The following UNC80 variants were observed in gnomAD, a reference collection of about 807,000 sequenced individuals.
UNC80 encodes unc-80 subunit of NALCN channel complex.
A neutral mutation model predicts 384.6 loss-of-function variants in UNC80; 164 were observed. That is an observed-to-expected ratio of 0.43 (90% CI 0.38 to 0.49). The LOEUF is 0.49. Among genes scored for constraint, UNC80 ranks in the 20% least tolerant of loss-of-function variants. The pLI is 0.00. For missense variants in UNC80, 3,330 were observed against 4,143.0 expected, an observed-to-expected ratio of 0.80 and a Z score of 5.39; for synonymous variants, 1,486 against 1,527.8, an observed-to-expected ratio of 0.97 and a Z score of 0.64.
rs142192668 is a variant in UNC80, at chr2:209,944,813, G to A, written c.7051-238G>A. ...GAAGTTCATATATCGCTGTATTTTT[G>A]TGAGCTTTTACAAATATCTCTTTTG... is the stretch of plus-strand genomic sequence containing the variant. On this transcript the variant is annotated intron_variant, in intron 45 of 64. Transcript: ENST00000673920. Among the ~76,000 whole-genome samples, 454 of 152,078 alleles carry A rather than the reference G, an allele frequency of 3.0e-3. 3 individuals carry two copies. The highest frequency in any genetic ancestry group is 0.01 in the African/African-American group (432 of 41,464).
At chr2:209,918,298 G>T (rs2089727109) in intron 32 of UNC80, among the ~76,000 whole-genome samples, 1 of 152,134 alleles carries the variant, frequency 6.6e-6, no homozygotes, top group African/African-American at 2.4e-5. Flanking sequence ...CTCAAATAGA[G>T]ATCATTTGAT....
intron 24 of UNC80, among the ~76,000 whole-genome samples, chr2:209,880,533 G>A (rs1443817447): frequency 2.0e-5 from 3 of 152,178 alleles, no homozygotes; most frequent in African/African-American, 7.2e-5. Flanking sequence ...CTAGTTCACT[G>A]CCATATACAT....
intron 29 of UNC80, among the ~76,000 whole-genome samples, chr2:209,907,886 C>T (rs1322492745): frequency 4.2e-4 from 64 of 152,200 alleles, no homozygotes; most frequent in Admixed American, 4.2e-3. Context: ...AACCAGGCCC[C>T]TGGCCTGAAG....
intron 39 of UNC80, among the ~76,000 whole-genome samples, chr2:209,935,156 A>G (rs143982547): frequency 2.6e-4 from 39 of 152,280 alleles, no homozygotes; most frequent in African/African-American, 8.9e-4. Context: ...GGGATGTACT[A>G]CTTGTTGAAA....
At chr2:209,822,641 T>G (rs368624807) in intron 13 of UNC80, among the ~76,000 whole-genome samples, 3 of 152,238 alleles carry the variant, frequency 2.0e-5, no homozygotes, top group South Asian at 2.1e-4. Context: ...AGGTTTTGTA[T>G]GTATGCTAAA....
chr2:209,886,055 G>A (rs908287730), intron 25 of UNC80, among the ~76,000 whole-genome samples: 17 of 151,902 alleles, frequency 1.1e-4, no homozygotes, highest in African/African-American at 4.1e-4. Flanking sequence ...GAGCCACTGT[G>A]CCCAGCCTAA....
chr2:209,829,263 T>C lies in UNC80; in HGVS notation c.2510T>C (p.Leu837Pro). The change falls in exon 15 of 65, where the codon CTA becomes CCA. Residue 837 changes from leucine (L) to proline (P), a missense_variant. Physicochemically the swap from Leu to Pro is moderately conservative, Grantham distance 98. Coordinates refer to ENST00000673920, the MANE Select transcript of UNC80 (RefSeq NM_001371986.1). The part of the protein sequence containing the change: ...AQNCLTKLYK[L>P]DKMQFRQTMR... ...AACTGCCTCACTAAGCTATACAAGCTAGATAAGATGCAGTTCCGACAAACC... is the reference window on the plus strand; with the variant it reads ...AACTGCCTCACTAAGCTATACAAGCCAGATAAGATGCAGTTCCGACAAACC... 2 of 1,551,432 alleles carry C rather than the reference T, an allele frequency of 1.3e-6. No homozygotes were observed. The highest frequency in any genetic ancestry group is 1.7e-6 in the Non-Finnish European group (2 of 1,146,790).
intron 7 of UNC80, among the ~76,000 whole-genome samples, chr2:209,798,803 G>A (rs1245780008): frequency 1.3e-5 from 2 of 149,048 alleles, no homozygotes; most frequent in African/African-American, 4.9e-5. Flanking sequence ...TCAGCCTGCC[G>A]AGTAGCTGGG....
intron 7 of UNC80, 139 bp downstream of exon 7, chr2:209,793,998 A>G: frequency 2.0e-6 from 2 of 1,017,454 alleles, no homozygotes; most frequent in Non-Finnish European, 2.8e-6. Flanking sequence ...TGGTCAAAGT[A>G]TAATTAATAA....
chr2:209,962,867 A>G (rs1308524458), intron 51 of UNC80, among the ~76,000 whole-genome samples: 5 of 152,248 alleles, frequency 3.3e-5, no homozygotes, highest in Non-Finnish European at 7.3e-5. Context: ...AGCTTAATAT[A>G]TAAATTTGCG....
intron 50 of UNC80, 24 bp from the exon 51 acceptor site, chr2:209,959,465 A>G: frequency 1.3e-6 from 2 of 1,544,604 alleles, no homozygotes; most frequent in South Asian, 2.4e-5. Flanking sequence ...TCAGACCCCT[A>G]GTTAATCTTT....
chr2:209,875,624 C>T (rs969043975), intron 23 of UNC80, among the ~76,000 whole-genome samples: 11 of 152,284 alleles, frequency 7.2e-5, no homozygotes, highest in Non-Finnish European at 2.9e-5. Flanking sequence ...TGATCCAAAT[C>T]TACCTTTTCA....
intron 60 of UNC80, among the ~76,000 whole-genome samples, chr2:209,983,872 C>T (rs534599793): frequency 3.9e-5 from 6 of 152,020 alleles, no homozygotes; most frequent in Non-Finnish European, 7.4e-5. Flanking sequence ...GGGCTTCATT[C>T]ATATTTTGGA....
chr2:209,788,918 C>A (rs550174573), intron 5 of UNC80, among the ~76,000 whole-genome samples: 2 of 152,114 alleles, frequency 1.3e-5, no homozygotes, highest in Non-Finnish European at 2.9e-5. Flanking sequence ...ATGGTAAGTG[C>A]TCTATATAGG....
At chr2:209,942,677 T>C (rs573939906) in intron 44 of UNC80, among the ~76,000 whole-genome samples, 9 of 152,102 alleles carry the variant, frequency 5.9e-5, no homozygotes, top group South Asian at 2.1e-4. Flanking sequence ...CATTTTTAGA[T>C]AGTTGCAATT....
intron 10 of UNC80, among the ~76,000 whole-genome samples, chr2:209,817,328 T>A (rs1006899344): frequency 2.6e-5 from 4 of 152,162 alleles, no homozygotes; most frequent in African/African-American, 7.2e-5. Context: ...ATGCAAGAGT[T>A]CTGTGAAATT....
chr2:209,773,183 G>A (rs769160639), intron 2 of UNC80, 41 bp downstream of exon 2: 10 of 1,563,132 alleles, frequency 6.4e-6, no homozygotes, highest in Non-Finnish European at 8.8e-6. Context: ...TCCCTATTCT[G>A]TGTGGTGGTT....
At position 209,834,958 on chromosome 2, in the gene UNC80, C is replaced by A; in HGVS notation, c.2989C>A (p.Pro997Thr). Residue 997 changes from proline to threonine, a missense_variant, in exon 18 of 65, where the codon CCT (proline) becomes ACT (threonine). Pro to Thr is a conservative substitution (Grantham distance 38). This residue lies in a region of UNC80 where 801 missense variants were observed against 950.8 expected (regional missense o/e 0.84). Transcript: ENST00000673920. ...GGATAAAGGCCAGGTATCCTCTGCA[C>A]CTGAGGAATGTCGCAGCTTCATGTC... is the stretch of plus-strand genomic sequence containing the variant. ...IVDKGQVSSAPEECRSFMSGR... is the reference protein window; with the variant it reads ...IVDKGQVSSATEECRSFMSGR... 1 of 1,551,204 alleles carries A rather than the reference C, an allele frequency of 6.4e-7. No individual in the cohort carries two copies. The highest frequency in any genetic ancestry group is 8.7e-7 in the Non-Finnish European group (1 of 1,146,598).
chr2:209,838,148 C>T (rs936412984), intron 18 of UNC80, among the ~76,000 whole-genome samples: 6 of 151,968 alleles, frequency 3.9e-5, no homozygotes, highest in Non-Finnish European at 5.9e-5. Flanking sequence ...CTGTCAAGGG[C>T]GGTGATATAA....
Sources: gnomAD v4.1 joint callset for allele counts (sites outside exome capture counted in the v4.1 genomes callset) on GRCh38, gnomAD v4.1.1 for gene constraint, gnomAD v4.1.1 regional missense constraint, MANE v1.5 for transcripts, NCBI Gene and HGNC (gene_info 2026-07-23, HGNC 2026-07-21) for gene names.